Variants in RTN1 observed in about 807,000 individuals in gnomAD.
RTN1 encodes the protein reticulon-1.
A neutral mutation model predicts 65.5 loss-of-function variants in RTN1; 25 were observed. The ratio of observed to expected loss-of-function variants is 0.38; its 90% CI spans 0.28 to 0.53. The LOEUF is 0.53. Ranked by LOEUF, RTN1 falls within the 20% of genes least tolerant of loss-of-function variation. The probability of loss-of-function intolerance (pLI) is 0.79; values close to 1 mark genes in which losing one functional copy is unlikely to be tolerated. For missense variants in RTN1, 983 were observed against 1,025.4 expected, an observed-to-expected ratio of 0.96 and a Z score of 0.57; for synonymous variants, 471 against 447.6, an observed-to-expected ratio of 1.05 and a Z score of -0.66.
intron 3 of RTN1, among the ~76,000 whole-genome samples, chr14:59,668,131 G>T (rs1883420805): frequency 6.6e-6 from 1 of 151,858 alleles, no homozygotes; most frequent in African/African-American, 2.4e-5. Context: ...ACCAAAAAAG[G>T]GCCCACATTG....
chr14:59,793,588 T>A (rs950791205), intron 1 of RTN1, among the ~76,000 whole-genome samples: 9 of 151,454 alleles, frequency 5.9e-5, no homozygotes, highest in African/African-American at 2.2e-4. Context: ...GAGAATTTTA[T>A]CAGAGAATTC....
At chr14:59,786,428 C>T (rs1886250936) in intron 1 of RTN1, among the ~76,000 whole-genome samples, 1 of 152,106 alleles carries the variant, frequency 6.6e-6, no homozygotes, top group Admixed American at 6.6e-5. Flanking sequence ...GCTCCTCTAC[C>T]TTTCTTTTAT....
intron 3 of RTN1, among the ~76,000 whole-genome samples, chr14:59,660,781 C>T (rs1046674319): frequency 6.6e-6 from 1 of 151,930 alleles, no homozygotes; most frequent in African/African-American, 2.4e-5. Flanking sequence ...AAAAAGAAAC[C>T]AGGAAAGACC....
intron 1 of RTN1, among the ~76,000 whole-genome samples, chr14:59,784,628 G>A (rs966149782): frequency 6.6e-6 from 1 of 152,102 alleles, no homozygotes; most frequent in Non-Finnish European, 1.5e-5. Context: ...ATATGTTTTG[G>A]TATAGCCTTT....
chr14:59,750,416 A>C (rs1885468906), intron 1 of RTN1, among the ~76,000 whole-genome samples: 1 of 57,866 alleles, frequency 1.7e-5, no homozygotes, highest in Admixed American at 3.4e-4. Context: ...TTATATGTAT[A>C]ATATATAATA....
intron 3 of RTN1, among the ~76,000 whole-genome samples, chr14:59,611,520 T>C (rs752072687): frequency 4.6e-5 from 7 of 152,128 alleles, no homozygotes; most frequent in Non-Finnish European, 1.0e-4. Flanking sequence ...GTGCTGCCAA[T>C]GCCTCCTTTC....
chr14:59,610,099 C>T (rs776357049), intron 3 of RTN1: 2 of 776,660 alleles, frequency 2.6e-6, no homozygotes, highest in East Asian at 2.4e-5. Context: ...AAGTGAATCC[C>T]CTCTGAATGA....
At chr14:59,840,641 A>G (rs535813065) in intron 1 of RTN1, among the ~76,000 whole-genome samples, 67 of 152,302 alleles carry the variant, frequency 4.4e-4, no homozygotes, top group Non-Finnish European at 8.7e-4. Context: ...AATAATTCCA[A>G]AACTAAAATA....
intron 3 of RTN1, among the ~76,000 whole-genome samples, chr14:59,635,786 A>G (rs938473434): frequency 1.3e-5 from 2 of 152,370 alleles, no homozygotes; most frequent in East Asian, 1.9e-4. Flanking sequence ...ATGAAGTGTC[A>G]TAAGTCCTCA....
At chr14:59,668,574 A>G (rs1355512979) in intron 3 of RTN1, among the ~76,000 whole-genome samples, 1 of 152,198 alleles carries the variant, frequency 6.6e-6, no homozygotes, top group Middle Eastern at 3.2e-3. Flanking sequence ...CACCAAAAGC[A>G]ATGGCAACAA....
At chr14:59,660,161 A>G (rs1242145035) in intron 3 of RTN1, among the ~76,000 whole-genome samples, 3 of 152,252 alleles carry the variant, frequency 2.0e-5, no homozygotes, top group African/African-American at 7.2e-5. Context: ...ACATAATGGT[A>G]AATGGATCAA....
At chr14:59,824,982 TG>T (rs1182906056) in intron 1 of RTN1, among the ~76,000 whole-genome samples, 2 of 152,150 alleles carry the variant, frequency 1.3e-5, no homozygotes, top group Non-Finnish European at 2.9e-5. Context: ...TGTCAGGGGC[TG>T]GGGGAGCGAG....
At chr14:59,719,876 C>A (rs1884612160) in intron 3 of RTN1, among the ~76,000 whole-genome samples, 1 of 152,090 alleles carries the variant, frequency 6.6e-6, no homozygotes. Context: ...GAGAAAAAAG[C>A]CTGGATAGGG....
chr14:59,675,052 TACACAC>T (rs5809041), intron 3 of RTN1, among the ~76,000 whole-genome samples: 3 of 148,126 alleles, frequency 2.0e-5, no homozygotes, highest in African/African-American at 7.5e-5. Context: ...TGCAGATGAA[TACACAC>T]ACACACACAC....
In RTN1 at chr14:59,727,305, G is replaced by A; in HGVS notation, c.1379C>T (p.Ala460Val). The A allele has an allele frequency of 6.7e-7, 1 of 1,494,912 alleles. No individual in the cohort carries two copies. Among genetic ancestry groups the A allele is most frequent in the Non-Finnish European group, 8.9e-7 (1 of 1,121,792 alleles). The allele number at this position is 1,494,912 out of a possible 1,614,324, so 92.6% of individuals were successfully genotyped here. The change falls in exon 3 of 9, where the codon GCC becomes GTC. Residue 460 changes from alanine to valine, a missense_variant. Physicochemically the swap from Ala to Val is moderately conservative, Grantham distance 64. This residue lies in a region of RTN1 where 818 missense variants were observed against 801.8 expected (regional missense o/e 1.02). Coordinates refer to ENST00000267484, the MANE Select transcript of RTN1 (RefSeq NM_021136.3). This position sits in a 1 kb window ranked among gnomAD's most constrained non-coding sequence, Gnocchi z 4.2. ...QYSILREERE[A>V]ELDSELIIES... ...GATGATGAGCTCGCTGTCCAGCTCG[G>A]CCTCGCGCTCCTCCCTCAGGATGCT...
At chr14:59,651,216 G>A (rs992677892) in intron 3 of RTN1, among the ~76,000 whole-genome samples, 9 of 152,018 alleles carry the variant, frequency 5.9e-5, no homozygotes, top group African/African-American at 2.2e-4. Flanking sequence ...AGAACAGAGA[G>A]CTCAGAAATA....
intron 3 of RTN1, among the ~76,000 whole-genome samples, chr14:59,632,741 C>G (rs935029488): frequency 6.6e-6 from 1 of 152,160 alleles, no homozygotes; most frequent in African/African-American, 2.4e-5. Context: ...AGCAAGCTCT[C>G]TTTAAAGTGG....
intron 3 of RTN1, among the ~76,000 whole-genome samples, chr14:59,699,460 T>TAGG (rs1354495061): frequency 6.6e-6 from 1 of 152,158 alleles, no homozygotes. Context: ...TTTCTGCACT[T>TAGG]ACATTTTTAT....
At chr14:59,735,097 A>G (rs967524821) in intron 2 of RTN1, among the ~76,000 whole-genome samples, 1 of 152,220 alleles carries the variant, frequency 6.6e-6, no homozygotes, top group Non-Finnish European at 1.5e-5. Context: ...ACTTCTAAAG[A>G]AAAGAATTTC....
Sources: gnomAD v4.1 joint callset for allele counts (sites outside exome capture counted in the v4.1 genomes callset) on GRCh38, gnomAD v4.1.1 for gene constraint, gnomAD v4.1.1 regional missense constraint, Gnocchi (gnomAD v3.1) non-coding constraint, MANE v1.5 for transcripts, NCBI Gene and HGNC (gene_info 2026-07-23, HGNC 2026-07-21) for gene names.